COL9A1: variants seen among roughly 807,000 people sequenced by gnomAD.
COL9A1 encodes the protein collagen alpha-1(IX) chain.
Under a neutral mutation model 142.6 loss-of-function variants are expected in COL9A1, and 104 were observed. The observed-to-expected ratio is 0.73, with a 90% CI of 0.62 to 0.86. COL9A1 has a LOEUF of 0.86. COL9A1 is among the 40% of genes least tolerant of loss of function. The pLI is 0.00. For missense variants in COL9A1, 1,210 were observed against 1,176.6 expected (o/e 1.03, Z -0.42); for synonymous variants, 466 against 396.0 (o/e 1.18, Z -2.10).
At chr6:70,299,203 G>C (rs1453531439) in intron 4 of COL9A1, among the ~76,000 whole-genome samples, 1 of 151,674 alleles carries the variant, frequency 6.6e-6, no homozygotes, top group Non-Finnish European at 1.5e-5. Flanking sequence ...CTTCTAATTT[G>C]TTCAAAATTT....
rs2127544134 is a variant in COL9A1, at chr6:70,217,066, G to T, written c.2597C>A (p.Ala866Asp). Residue 866 changes from alanine to aspartate, a missense_variant, in exon 38 of 38, where the codon GCC becomes GAC. Coordinates refer to ENST00000357250, the MANE Select transcript of COL9A1 (RefSeq NM_001851.6). ...AIGLPGDPGP[A>D]SYGRNGRDGE... The stretch of plus-strand genomic sequence containing the variant: ...GTCTCGGCCATTTCTGCCATAGCTG[G>T]CAGGGCCTGGGTCACCTGAAACACA... 6.2e-7 allele frequency: 1 copy of T among 1,614,088 alleles called. No homozygotes were observed. Among genetic ancestry groups the T allele is most frequent in the African/African-American group, 1.3e-5 (1 of 75,062 alleles).
chr6:70,256,163 A>G (rs946085931), intron 21 of COL9A1, among the ~76,000 whole-genome samples: 3 of 152,174 alleles, frequency 2.0e-5, no homozygotes, highest in East Asian at 3.9e-4. Flanking sequence ...GTCCTCTTAC[A>G]TGGATTACAT....
intron 1 of COL9A1, 61 bp downstream of exon 1, chr6:70,302,850 C>G (rs1387969918): frequency 6.3e-7 from 1 of 1,581,530 alleles, no homozygotes. Flanking sequence ...AATACAGACC[C>G]TTGGTTCTGA....
At position 70,236,765 on chromosome 6, in the gene COL9A1, T is replaced by C. The variant is rs568520023; in HGVS notation, c.2113-1825A>G. On this transcript the variant is annotated intron_variant, in intron 33 of 37. Transcript: ENST00000357250. ...CTGTCAGCAGGACAAGGAAAAGGTA[T>C]CCTACATAGAAGGCTGCAACATTGT... Among the ~76,000 whole-genome samples the C allele has an allele frequency of 2.5e-4, 38 of 152,190 alleles. No individual in the cohort carries two copies. In the East Asian group the frequency reaches 6.8e-3, roughly 27 times the overall value.
chr6:70,226,818 A>G (rs1769259823), intron 36 of COL9A1, among the ~76,000 whole-genome samples: 1 of 152,068 alleles, frequency 6.6e-6, no homozygotes, highest in South Asian at 2.1e-4. Flanking sequence ...AAAAATACAA[A>G]CCCATTTTTT....
intron 10 of COL9A1, among the ~76,000 whole-genome samples, chr6:70,278,525 C>G (rs1021009634): frequency 6.6e-6 from 1 of 152,074 alleles, no homozygotes; most frequent in African/African-American, 2.4e-5. Context: ...TGATTTTTCC[C>G]CAAGATCTAG....
chr6:70,220,116 T>A (rs1440358168), intron 37 of COL9A1, among the ~76,000 whole-genome samples: 1 of 151,944 alleles, frequency 6.6e-6, no homozygotes, highest in Non-Finnish European at 1.5e-5. Context: ...TGCAGCAATT[T>A]ACCCTTTGGA....
intron 36 of COL9A1, among the ~76,000 whole-genome samples, chr6:70,226,798 T>C (rs907649530): frequency 6.6e-6 from 1 of 152,162 alleles, no homozygotes; most frequent in Non-Finnish European, 1.5e-5. Context: ...ATTTTCATCA[T>C]GATCTTAATA....
At chr6:70,283,920 A>C in intron 5 of COL9A1, 100 bp from the exon 6 acceptor site, 1 of 867,810 alleles carries the variant, frequency 1.2e-6, no homozygotes, top group Non-Finnish European at 1.9e-6. Flanking sequence ...AATAATTGGA[A>C]ATCAACTTGA....
At position 70,301,987 on chromosome 6, in the gene COL9A1, A is replaced by G; in HGVS notation, c.88+14T>C. On this transcript the variant is annotated intron_variant, in intron 2 of 37. Transcript: ENST00000357250. ...ATAAGTGATCTTTGAAAGTCTAGAAACTATGGCCCTTACTGGGGCGACGCT... is the reference window on the plus strand; with the variant it reads ...ATAAGTGATCTTTGAAAGTCTAGAAGCTATGGCCCTTACTGGGGCGACGCT... The G allele has an allele frequency of 1.2e-6, 2 of 1,601,204 alleles. No homozygotes were observed. Among genetic ancestry groups the G allele is most frequent in the Non-Finnish European group, 1.7e-6 (2 of 1,171,788 alleles).
intron 4 of COL9A1, among the ~76,000 whole-genome samples, chr6:70,298,300 A>T (rs1253187270): frequency 6.6e-6 from 1 of 152,228 alleles, no homozygotes; most frequent in Non-Finnish European, 1.5e-5. Flanking sequence ...CAACCTCATG[A>T]CAGAGTTACT....
At chr6:70,263,347 A>T in intron 18 of COL9A1, 50 bp from the exon 19 acceptor site, 1 of 1,526,426 alleles carries the variant, frequency 6.6e-7, no homozygotes, top group Non-Finnish European at 9.0e-7. Flanking sequence ...TATTCTAGCA[A>T]ACGAACATAG....
At chr6:70,293,225 G>C (rs1379681683) in intron 5 of COL9A1, among the ~76,000 whole-genome samples, 4 of 152,184 alleles carry the variant, frequency 2.6e-5, no homozygotes, top group African/African-American at 9.6e-5. Flanking sequence ...TTGGCCTCAA[G>C]ATTTATTTGT....
intron 8 of COL9A1, 79 bp downstream of exon 8, chr6:70,281,311 A>C (rs550355072): frequency 3.5e-6 from 5 of 1,423,974 alleles, no homozygotes; most frequent in East Asian, 2.3e-5. Flanking sequence ...AAAAAAAAAA[A>C]AACCCCACAG....
At position 70,280,804 on chromosome 6, in the gene COL9A1, C is replaced by T. The variant is rs2127597148; in HGVS notation, c.975+8G>A. 6.2e-7 allele frequency: 1 copy of T among 1,611,808 alleles called. No homozygotes were observed. Among genetic ancestry groups the T allele is most frequent in the Non-Finnish European group, 8.5e-7 (1 of 1,179,240 alleles). On this transcript the variant is annotated splice_region_variant and intron_variant, in intron 10 of 37. Coordinates refer to ENST00000357250, the MANE Select transcript of COL9A1 (RefSeq NM_001851.6). The stretch of plus-strand genomic sequence containing the variant: ...GGCTGGGCGCCCTCCCAGCACTCGC[C>T]TACTCACATCAGCGCCAGGTGTGCC...
In COL9A1 at chr6:70,234,903, TCAGGCCCTCTCAAGCCAGGTTCCCCAGGA is replaced by T; in HGVS notation, c.2121_2149del (p.Asn707LysfsTer39). The T allele has an allele frequency of 6.2e-7, 1 of 1,614,106 alleles. No individual in the cohort carries two copies. ...CACTCCAGGAAGCCCCCGACTTCCC[TCAGGCCCTCTCAAGCCAGGTTCCCCAGGA>T]TTACCTGCCTGGAACACAATTGCAC... On this transcript the variant is annotated frameshift_variant, in exon 34 of 38. Transcript: ENST00000357250. LOFTEE classifies it high-confidence loss of function.
chr6:70,236,778 G>C (rs771849276), intron 33 of COL9A1, among the ~76,000 whole-genome samples: 1 of 151,992 alleles, frequency 6.6e-6, no homozygotes, highest in East Asian at 1.9e-4. Context: ...TACATAGAAG[G>C]CTGCAACATT....
intron 10 of COL9A1, among the ~76,000 whole-genome samples, chr6:70,275,822 G>C (rs891289147): frequency 2.0e-5 from 3 of 151,902 alleles, no homozygotes; most frequent in Non-Finnish European, 4.4e-5. Context: ...TCAAGATTTT[G>C]AAGAAGACCC....
chr6:70,284,343 G>T (rs997625570), intron 5 of COL9A1, among the ~76,000 whole-genome samples: 1 of 152,182 alleles, frequency 6.6e-6, no homozygotes, highest in Non-Finnish European at 1.5e-5. Flanking sequence ...GAAAAAATTT[G>T]CACACTGGAG....
Sources: allele counts gnomAD v4.1 joint callset (sites outside exome capture counted in the v4.1 genomes callset), GRCh38; gene constraint gnomAD v4.1.1; transcripts MANE v1.5; gene names NCBI Gene and HGNC (gene_info 2026-07-23, HGNC 2026-07-21).